The following MTHFS variants were observed in gnomAD, a reference collection of about 807,000 sequenced individuals.
MTHFS encodes 5-formyltetrahydrofolate cyclo-ligase.
A neutral mutation model predicts 12.7 loss-of-function variants in MTHFS; 7 were observed. That is an observed-to-expected ratio of 0.55 (90% CI 0.31 to 1.03). MTHFS has a LOEUF of 1.03. Among genes scored for constraint, MTHFS ranks in the 50% least tolerant of loss-of-function variants. The pLI, the probability that MTHFS is intolerant of heterozygous loss-of-function variation, is 0.05. For synonymous variants in MTHFS, 100 were observed against 97.1 expected (o/e 1.03, Z -0.18); for missense variants, 252 against 258.1 (o/e 0.98, Z 0.16).
chr15:79,897,051 C>G (rs1293038368), upstream of MTHFS: 2 of 1,433,976 alleles, frequency 1.4e-6, no homozygotes, highest in East Asian at 5.7e-5. Context: ...GTTCGGTCTC[C>G]GCCCCTGGCC....
intron 2 of MTHFS, among the ~76,000 whole-genome samples, chr15:79,850,638 C>T (rs753545866): frequency 5.9e-5 from 9 of 152,102 alleles, no homozygotes; most frequent in Admixed American, 1.3e-4. Context: ...GAGAAGTAGA[C>T]GCAGTGTCAA....
chr15:79,877,072 A>G (rs577434649), intron 2 of MTHFS: 1 of 152,166 alleles, frequency 6.6e-6, no homozygotes, highest in African/African-American at 2.4e-5. Context: ...ACAACTACTG[A>G]AATAAAAAAT....
chr15:79,866,225 G>T (rs1427125706), intron 2 of MTHFS, among the ~76,000 whole-genome samples: 3 of 152,056 alleles, frequency 2.0e-5, no homozygotes, highest in Non-Finnish European at 2.9e-5. Flanking sequence ...CCTGATCATG[G>T]GTCCAGAAGA....
At chr15:79,851,185 C>T (rs983783377) in intron 2 of MTHFS, among the ~76,000 whole-genome samples, 2 of 152,146 alleles carry the variant, frequency 1.3e-5, no homozygotes, top group African/African-American at 4.8e-5. Context: ...CATAATATCA[C>T]AAATCTTAAA....
chr15:79,877,735 T>A (rs889428901), intron 2 of MTHFS: 2 of 150,486 alleles, frequency 1.3e-5, no homozygotes, highest in South Asian at 2.1e-4. Flanking sequence ...TTTTTACACA[T>A]CAGAGTCAAA....
At chr15:79,848,337 G>T (rs369936921) in intron 2 of MTHFS, among the ~76,000 whole-genome samples, 1 of 152,290 alleles carries the variant, frequency 6.6e-6, no homozygotes, top group African/African-American at 2.4e-5. Context: ...GTTACCAGGC[G>T]CAGGAGAAAG....
chr15:79,871,336 A>T (rs1354520491), intron 2 of MTHFS, among the ~76,000 whole-genome samples: 1 of 152,202 alleles, frequency 6.6e-6, no homozygotes, highest in Non-Finnish European at 1.5e-5. Flanking sequence ...TGACAAAAAA[A>T]ATTGTCTCCC....
At chr15:79,889,474 A>AAAAAACAC in intron 1 of MTHFS, 120 bp from the exon 2 acceptor site, 1 of 1,226,906 alleles carries the variant, frequency 8.2e-7, no homozygotes, top group Non-Finnish European at 1.1e-6. Context: ...AGAAAAAAAA[A>AAAAAACAC]GGGGGGGGGA....
intron 2 of MTHFS, among the ~76,000 whole-genome samples, chr15:79,857,683 G>A (rs1027947499): frequency 6.6e-6 from 1 of 152,066 alleles, no homozygotes; most frequent in Non-Finnish European, 1.5e-5. Context: ...CTTGTTATCT[G>A]CTTCAATAAG....
At chr15:79,888,732 C>T (rs945425438) in intron 2 of MTHFS, among the ~76,000 whole-genome samples, 2 of 152,196 alleles carry the variant, frequency 1.3e-5, no homozygotes, top group African/African-American at 4.8e-5. Flanking sequence ...GAGATAAACA[C>T]ATGGTAGGTA....
At chr15:79,858,906 G>A (rs368114107) in intron 2 of MTHFS, among the ~76,000 whole-genome samples, 1 of 152,108 alleles carries the variant, frequency 6.6e-6, no homozygotes, top group Non-Finnish European at 1.5e-5. Flanking sequence ...ATGCTCCTAC[G>A]CTTTCCTATA....
At chr15:79,889,496 T>C (rs916933839) in intron 1 of MTHFS, 142 bp from the exon 2 acceptor site, 24 of 1,294,100 alleles carry the variant, frequency 1.9e-5, no homozygotes, top group African/African-American at 1.2e-4. Context: ...CAGAGTGATA[T>C]AGTGGGTCAG....
intron 2 of MTHFS, chr15:79,876,010 GATATCTATAGACAC>G (rs1290560281): frequency 6.6e-6 from 1 of 152,076 alleles, no homozygotes; most frequent in African/African-American, 2.4e-5. Flanking sequence ...ATTGAGCAGA[GATATCTATAGACAC>G]ATATCATAGG....
chr15:79,856,073 G>A (rs1464717975), intron 2 of MTHFS, among the ~76,000 whole-genome samples: 1 of 152,100 alleles, frequency 6.6e-6, no homozygotes, highest in African/African-American at 2.4e-5. Context: ...TCTGTCTTTA[G>A]TTCTTTGTGG....
At chr15:79,856,619 G>A (rs1848793519) in intron 2 of MTHFS, among the ~76,000 whole-genome samples, 1 of 152,162 alleles carries the variant, frequency 6.6e-6, no homozygotes, top group African/African-American at 2.4e-5. Flanking sequence ...AGAAAGGGGG[G>A]AAAGAAGAAC....
chr15:79,877,236 G>C (rs143676982), intron 2 of MTHFS: 1 of 151,898 alleles, frequency 6.6e-6, no homozygotes, highest in Admixed American at 6.6e-5. Flanking sequence ...ACAATATCAA[G>C]AATACCAATA....
intron 1 of MTHFS, among the ~76,000 whole-genome samples, chr15:79,891,737 G>A (rs2034474804): frequency 6.6e-6 from 1 of 152,070 alleles, no homozygotes; most frequent in Non-Finnish European, 1.5e-5. Context: ...GGAGGTGGAG[G>A]CGGGTAGATC....
chr15:79,869,352 A>G lies in MTHFS; in HGVS notation c.379+19741T>C, dbSNP rs575829382. ...TTTCAGGACAAAGCTTTTAACAATG[A>G]TATTTGAGAATATGCTGCATCTATA... On this transcript the variant is annotated intron_variant, in intron 2 of 2. Transcript: ENST00000258874. 2.3e-4 allele frequency among the ~76,000 whole-genome samples: 35 copies of G among 152,328 alleles called. 1 individual carries two copies. Among genetic ancestry groups the G allele is most frequent in the African/African-American group, 8.4e-4 (35 of 41,588 alleles).
At chr15:79,854,031 G>A (rs1460076357) in intron 2 of MTHFS, among the ~76,000 whole-genome samples, 1 of 152,186 alleles carries the variant, frequency 6.6e-6, no homozygotes, top group Non-Finnish European at 1.5e-5. Flanking sequence ...GCAGGCCTGG[G>A]AATGTGAATG....
Sources: gnomAD v4.1 joint callset for allele counts (sites outside exome capture counted in the v4.1 genomes callset) on GRCh38, gnomAD v4.1.1 for gene constraint, MANE v1.5 for transcripts, NCBI Gene and HGNC (gene_info 2026-07-23, HGNC 2026-07-21) for gene names.